Variants in DISC1 observed in about 807,000 individuals in gnomAD.
DISC1 encodes the protein disrupted in schizophrenia 1 protein.
Under a neutral mutation model 84.5 loss-of-function variants are expected in DISC1, and 57 were observed. The ratio of observed to expected loss-of-function variants is 0.67; its 90% CI spans 0.55 to 0.84. DISC1 has a LOEUF of 0.84. Among genes scored for constraint, DISC1 ranks in the 40% least tolerant of loss-of-function variants. DISC1 has a pLI of 0.00. For synonymous variants in DISC1, 411 were observed against 415.2 expected (o/e 0.99, Z 0.12); for missense variants, 1,000 against 1,057.8 (o/e 0.95, Z 0.76).
At chr1:231,644,972 G>A (rs546873205) in intron 1 of DISC1, among the ~76,000 whole-genome samples, 8 of 151,910 alleles carry the variant, frequency 5.3e-5, no homozygotes, top group South Asian at 4.2e-4. Flanking sequence ...CAGGATTGTC[G>A]CAGTAGCCTT....
At chr1:231,915,860 G>A (rs905824672) in intron 9 of DISC1, among the ~76,000 whole-genome samples, 1 of 152,182 alleles carries the variant, frequency 6.6e-6, no homozygotes, top group East Asian at 1.9e-4. Context: ...GTGTCAGCAG[G>A]CTCTGGCCAG....
At chr1:231,677,338 C>T (rs1401083909) in intron 1 of DISC1, among the ~76,000 whole-genome samples, 4 of 152,120 alleles carry the variant, frequency 2.6e-5, no homozygotes, top group African/African-American at 9.7e-5. Context: ...AACTGATGAA[C>T]AGATTTTCCT....
chr1:231,907,193 T>G (rs1471283206), intron 9 of DISC1, among the ~76,000 whole-genome samples: 1 of 150,510 alleles, frequency 6.6e-6, no homozygotes, highest in East Asian at 2.0e-4. Flanking sequence ...ATACTTTAAG[T>G]TCTAGGGTAC....
chr1:232,011,477 T>A (rs1255215832), intron 11 of DISC1, among the ~76,000 whole-genome samples: 1 of 152,230 alleles, frequency 6.6e-6, no homozygotes, highest in African/African-American at 2.4e-5. Flanking sequence ...AGTGCTGGAT[T>A]TATTTTCACA....
At chr1:231,631,897 C>G (rs1049984749) in intron 1 of DISC1, among the ~76,000 whole-genome samples, 1 of 152,152 alleles carries the variant, frequency 6.6e-6, no homozygotes, top group Non-Finnish European at 1.5e-5. Context: ...TCAACCCTCA[C>G]GTGCACTCAC....
rs1359695868 is a variant in DISC1, at chr1:231,780,989, A to T, written c.1634+9919A>T. ...ATCACATGGACACAGGAAGGGGAAT[A>T]TCACACTCTGGGGACTGTTGTGGGG... On this transcript the variant is annotated intron_variant, in intron 6 of 12. Coordinates refer to ENST00000439617, the MANE Select transcript of DISC1 (RefSeq NM_018662.3). Among the ~76,000 whole-genome samples, 36 of 103,748 alleles carry T rather than the reference A, an allele frequency of 3.5e-4. 1 individual carries two copies. The Middle Eastern group carries it at 0.024, about 69-fold the overall frequency. 68.1% of individuals were successfully genotyped at this position (103,748 alleles called of 152,430 possible). A position where few individuals can be genotyped will look rare whatever the true frequency, so the allele number is the denominator to read the frequency against.
At chr1:231,751,659 C>T (rs545915671) in intron 4 of DISC1, among the ~76,000 whole-genome samples, 1 of 152,332 alleles carries the variant, frequency 6.6e-6, no homozygotes, top group Admixed American at 6.5e-5. Context: ...ATGACAACCA[C>T]ATTCTAATTT....
chr1:231,653,909 C>G (rs1215480665), intron 1 of DISC1, among the ~76,000 whole-genome samples: 1 of 152,202 alleles, frequency 6.6e-6, no homozygotes, highest in African/African-American at 2.4e-5. Flanking sequence ...ATTAGAAGCT[C>G]CCATTTAGAA....
chr1:231,793,800 G>T (rs2078533667), intron 6 of DISC1, among the ~76,000 whole-genome samples: 4 of 152,090 alleles, frequency 2.6e-5, no homozygotes, highest in Admixed American at 2.6e-4. Context: ...GCTTGCCCTT[G>T]ATATTTCTTT....
intron 9 of DISC1, among the ~76,000 whole-genome samples, chr1:231,903,080 T>A (rs184374733): frequency 9.2e-5 from 14 of 151,844 alleles, no homozygotes; most frequent in African/African-American, 3.1e-4. Context: ...TTTTTTTTTT[T>A]TGACAGAGTC....
At chr1:231,829,500 A>G (rs2082074452) in intron 9 of DISC1, among the ~76,000 whole-genome samples, 1 of 151,960 alleles carries the variant, frequency 6.6e-6, no homozygotes, top group Non-Finnish European at 1.5e-5. Flanking sequence ...GAGTAGCTGG[A>G]AGTACAGGCA....
intron 8 of DISC1, among the ~76,000 whole-genome samples, chr1:231,806,538 T>C (rs1387123209): frequency 6.6e-6 from 1 of 152,138 alleles, no homozygotes; most frequent in Non-Finnish European, 1.5e-5. Flanking sequence ...CTGGATCCAG[T>C]GCAGTAAGAG....
At chr1:231,709,608 T>C (rs899569246) in intron 3 of DISC1, among the ~76,000 whole-genome samples, 26 of 152,224 alleles carry the variant, frequency 1.7e-4, no homozygotes, top group African/African-American at 6.0e-4. Context: ...GGTGCATTAT[T>C]CATGATAAAC....
chr1:231,996,135 T>C (rs1001525094), intron 10 of DISC1, among the ~76,000 whole-genome samples: 3 of 152,246 alleles, frequency 2.0e-5, no homozygotes, highest in Non-Finnish European at 4.4e-5. Context: ...TGCATAAATG[T>C]CTTCTTTTGA....
rs1352929539 is a variant in DISC1, at chr1:231,954,270, C to T, written c.1982-4558C>T. Reference sequence around the variant, plus strand: ...TGTCCCTGGAAGCCGTGTCCTTTTTCTATTTAATTAGTGCCAAGTATATGG... The same window carrying T: ...TGTCCCTGGAAGCCGTGTCCTTTTTTTATTTAATTAGTGCCAAGTATATGG... On this transcript the variant is annotated intron_variant, in intron 9 of 12. Transcript: ENST00000439617. This position sits in a 1 kb window ranked among gnomAD's most constrained non-coding sequence, Gnocchi z 4.8. Among the ~76,000 whole-genome samples the T allele has an allele frequency of 6.6e-6, 1 of 152,186 alleles. No homozygotes were observed. The highest frequency in any genetic ancestry group is 1.5e-5 in the Non-Finnish European group (1 of 68,034).
At chr1:231,732,007 G>GGT (rs1324520250) in intron 3 of DISC1, among the ~76,000 whole-genome samples, 1 of 152,180 alleles carries the variant, frequency 6.6e-6, no homozygotes, top group African/African-American at 2.4e-5. Context: ...GTAAAATTAA[G>GGT]GTTTGACTTG....
At chr1:231,992,185 T>C (rs1285119999) in intron 10 of DISC1, among the ~76,000 whole-genome samples, 2 of 152,198 alleles carry the variant, frequency 1.3e-5, no homozygotes, top group Non-Finnish European at 2.9e-5. Flanking sequence ...ATTGCTGAAT[T>C]ACTTTCCTAA....
In DISC1 at chr1:232,040,460, T is replaced by C. The variant is rs1279655969; in HGVS notation, c.*3629T>C. On this transcript the variant is annotated 3_prime_UTR_variant, in exon 13 of 13. Transcript: ENST00000439617. ...CTAAGCCCTTTACAGTCATATCCTA[T>C]AATCCCCATATCAACCTTATAAGGA... is the stretch of plus-strand genomic sequence containing the variant. 6.6e-6 allele frequency: 1 copy of C among 152,176 alleles called. No individual in the cohort carries two copies. The highest frequency in any genetic ancestry group is 1.9e-4 in the East Asian group (1 of 5,202). 9.4% of individuals were successfully genotyped at this position (152,176 alleles called of 1,614,324 possible). A position where few individuals can be genotyped will look rare whatever the true frequency, so the allele number is the denominator to read the frequency against.
chr1:232,025,469 A>G (rs964455004), intron 11 of DISC1, among the ~76,000 whole-genome samples: 40 of 152,130 alleles, frequency 2.6e-4, no homozygotes, highest in African/African-American at 9.4e-4. Flanking sequence ...GGAAAAAGTG[A>G]GAGAAGGAAG....
Sources: allele counts gnomAD v4.1 joint callset (sites outside exome capture counted in the v4.1 genomes callset), GRCh38; gene constraint gnomAD v4.1.1; non-coding constraint Gnocchi (gnomAD v3.1); transcripts MANE v1.5; gene names NCBI Gene and HGNC (gene_info 2026-07-23, HGNC 2026-07-21).